ZNF710: variants seen among roughly 807,000 people sequenced by gnomAD.
The protein encoded by ZNF710 is zinc finger protein 710.
In ZNF710, 13 loss-of-function variants were observed where a neutral mutation model predicts 50.6. The observed-to-expected ratio is 0.26, with a 90% confidence interval of 0.17 to 0.41. The LOEUF (loss-of-function observed/expected upper bound fraction) is 0.41, where lower values mean the gene tolerates loss of function less well. Ranked by LOEUF, ZNF710 falls within the 10% of genes least tolerant of loss-of-function variation. ZNF710 has a pLI of 1.00. For missense variants in ZNF710, 721 were observed against 936.6 expected (o/e 0.77, Z 3.01); for synonymous variants, 383 against 397.0 (o/e 0.96, Z 0.42).
intron 1 of ZNF710, among the ~76,000 whole-genome samples, chr15:90,052,825 T>C (rs7183710): frequency 0.48 from 72,954 of 152,164 alleles, 21,588 homozygotes; most frequent in African/African-American, 0.81. Context: ...TCCAGCTACT[T>C]GGGAGGCTGA....
Position 90,067,552 on chromosome 15 carries a change from C to A in ZNF710, c.415C>A (p.Pro139Thr), listed in dbSNP as rs544257341. ...CAAGGACGCAGGGCCAGCAGAAGCC[C>A]CCGCCGAGGCGGCCAGTGGCGGCTG... The part of the protein sequence containing the change: ...DDKDAGPAEA[P>T]AEAASGGCDA... The change falls in exon 2 of 5, where the codon CCC becomes ACC. Residue 139 changes from proline to threonine, a missense_variant. Physicochemically the swap from Pro to Thr is conservative, Grantham distance 38. Around this residue, in one of 3 missense-constraint regions of ZNF710, gnomAD observed 326 missense variants for 347.1 expected, o/e 0.94. Transcript: ENST00000268154. This position sits in a 1 kb window ranked among gnomAD's most constrained non-coding sequence, Gnocchi z 8.1. 4.3e-6 allele frequency: 7 copies of A among 1,612,682 alleles called. No homozygotes were observed. The highest frequency in any genetic ancestry group is 1.1e-5 in the South Asian group (1 of 90,932).
chr15:90,006,104 G>A (rs560769324), intron 1 of ZNF710, among the ~76,000 whole-genome samples: 1 of 152,070 alleles, frequency 6.6e-6, no homozygotes, highest in Non-Finnish European at 1.5e-5. Flanking sequence ...GAGGGAGGCT[G>A]GTCAGGGAGT....
chr15:90,063,338 G>A (rs1900068695), intron 1 of ZNF710, among the ~76,000 whole-genome samples: 3 of 152,128 alleles, frequency 2.0e-5, no homozygotes, highest in South Asian at 4.1e-4. Context: ...TGGATTTCCT[G>A]GGGCGTGAGG....
At chr15:90,043,119 G>C (rs11856884) in intron 1 of ZNF710, among the ~76,000 whole-genome samples, 1 of 152,172 alleles carries the variant, frequency 6.6e-6, no homozygotes, top group African/African-American at 2.4e-5. Context: ...ACCCCACCGG[G>C]GACCGAGCAC....
intron 1 of ZNF710, among the ~76,000 whole-genome samples, chr15:90,058,728 T>TATATATATATGTACATGTAC (rs1555458604): frequency 4.8e-5 from 7 of 145,934 alleles, no homozygotes; most frequent in African/African-American, 1.6e-4. Flanking sequence ...TACACACATA[T>TATATATATATGTACATGTAC]ACACACACAC....
intron 2 of ZNF710, among the ~76,000 whole-genome samples, chr15:90,072,181 C>T (rs1160766561): frequency 6.6e-6 from 1 of 152,214 alleles, no homozygotes; most frequent in Non-Finnish European, 1.5e-5. Context: ...CTGTCCTGCT[C>T]TGGGAGTGAC....
intron 1 of ZNF710, among the ~76,000 whole-genome samples, chr15:90,066,388 T>C (rs1216455694): frequency 1.3e-5 from 2 of 152,190 alleles, no homozygotes; most frequent in Non-Finnish European, 2.9e-5. Flanking sequence ...GTGGCACATA[T>C]TACATTTGAG....
chr15:90,067,554 C>A lies in ZNF710; in HGVS notation c.417C>A (p.Pro139=). Residue 139 remains proline, a synonymous_variant, in exon 2 of 5, where the codon CCC becomes CCA. Transcript: ENST00000268154. The surrounding 1 kb of genome is among the most constrained non-coding windows in gnomAD (Gnocchi z 8.1). ...AGGACGCAGGGCCAGCAGAAGCCCC[C>A]GCCGAGGCGGCCAGTGGCGGCTGCG... is the stretch of plus-strand genomic sequence containing the variant. ...DDKDAGPAEA[P]AEAASGGCDA... 1 of 1,612,744 alleles carries A rather than the reference C, an allele frequency of 6.2e-7. No homozygotes were observed.
chr15:90,012,716 C>T (rs886477382), intron 1 of ZNF710, among the ~76,000 whole-genome samples: 1 of 152,054 alleles, frequency 6.6e-6, no homozygotes, highest in African/African-American at 2.4e-5. Context: ...TAGCCCTTCA[C>T]TGAGGTATTT....
rs1899040520 is a variant in ZNF710 at position 90,034,239 on chromosome 15, A to G, written c.-29+32625A>G. On this transcript the variant is annotated intron_variant, in intron 1 of 4. Coordinates refer to ENST00000268154, the MANE Select transcript of ZNF710 (RefSeq NM_198526.4). The surrounding 1 kb of genome is among the most constrained non-coding windows in gnomAD (Gnocchi z 4.0). ...AAAGAAAAGAAAAGAAAACAGGTGA[A>G]CGACAGTCACTCCTGGAGGGGTTCT... 6.6e-6 allele frequency among the ~76,000 whole-genome samples: 1 copy of G among 151,486 alleles called. No individual in the cohort carries two copies. The highest frequency in any genetic ancestry group is 2.4e-5 in the African/African-American group (1 of 41,154).
intron 1 of ZNF710, among the ~76,000 whole-genome samples, chr15:90,020,683 A>G (rs1898590080): frequency 6.6e-6 from 1 of 152,206 alleles, no homozygotes; most frequent in African/African-American, 2.4e-5. Context: ...TTTAAATTTT[A>G]ATATGCTCTT....
chr15:90,017,922 C>T (rs1898498830), intron 1 of ZNF710, among the ~76,000 whole-genome samples: 1 of 152,060 alleles, frequency 6.6e-6, no homozygotes, highest in Non-Finnish European at 1.5e-5. Context: ...ATAATTAAGG[C>T]CATGCCCTAT....
intron 1 of ZNF710, among the ~76,000 whole-genome samples, chr15:90,022,466 T>C (rs1236025118): frequency 1.3e-5 from 2 of 152,044 alleles, no homozygotes; most frequent in African/African-American, 4.8e-5. Flanking sequence ...AGGGGGATTG[T>C]GGGTGAGATG....
chr15:90,077,389 G>A (rs1049993397), intron 4 of ZNF710, among the ~76,000 whole-genome samples: 6 of 151,848 alleles, frequency 4.0e-5, no homozygotes, highest in South Asian at 2.1e-4. Flanking sequence ...GACTACAGGC[G>A]CCTGCCACCA....
chr15:90,051,423 C>T (rs1413793994), intron 1 of ZNF710, among the ~76,000 whole-genome samples: 1 of 151,950 alleles, frequency 6.6e-6, no homozygotes, highest in Non-Finnish European at 1.5e-5. Flanking sequence ...CGCCTGAGGT[C>T]AGGAGTTCAA....
chr15:90,010,147 G>C (rs1335456293), intron 1 of ZNF710, among the ~76,000 whole-genome samples: 1 of 152,078 alleles, frequency 6.6e-6, no homozygotes, highest in East Asian at 1.9e-4. Context: ...GCCTGTATAG[G>C]ACTCTTGGCC....
At chr15:90,027,885 C>G (rs1198197652) in intron 1 of ZNF710, among the ~76,000 whole-genome samples, 3 of 151,130 alleles carry the variant, frequency 2.0e-5, no homozygotes, top group Non-Finnish European at 4.4e-5. Context: ...AGACAATATG[C>G]ACAGACGATA....
intron 1 of ZNF710, among the ~76,000 whole-genome samples, chr15:90,049,554 T>G (rs544045231): frequency 6.6e-6 from 1 of 152,340 alleles, no homozygotes; most frequent in South Asian, 2.1e-4. Context: ...CCTACCACCC[T>G]GCAGACAGGG....
chr15:90,070,056 AC>A (rs1900323403), intron 2 of ZNF710, among the ~76,000 whole-genome samples: 1 of 152,186 alleles, frequency 6.6e-6, no homozygotes, highest in Non-Finnish European at 1.5e-5. Context: ...TCCAGGTCAA[AC>A]TTGTGACCCT....
Sources: gnomAD v4.1 joint callset for allele counts (sites outside exome capture counted in the v4.1 genomes callset) on GRCh38, gnomAD v4.1.1 for gene constraint, gnomAD v4.1.1 regional missense constraint, Gnocchi (gnomAD v3.1) non-coding constraint, MANE v1.5 for transcripts, NCBI Gene and HGNC (gene_info 2026-07-23, HGNC 2026-07-21) for gene names.